The following MNAT1 variants were observed in gnomAD, a reference collection of about 807,000 sequenced individuals.
The protein encoded by MNAT1 is CDK-activating kinase assembly factor MAT1.
Under a neutral mutation model 42.0 loss-of-function variants are expected in MNAT1, and 43 were observed. That is an observed-to-expected ratio of 1.02 (90% CI 0.80 to 1.32). The LOEUF (loss-of-function observed/expected upper bound fraction) is 1.32, where lower values mean the gene tolerates loss of function less well. Ranked by LOEUF, MNAT1 falls within the 40% of genes most tolerant of loss-of-function variation. The pLI, the probability that MNAT1 is intolerant of heterozygous loss-of-function variation, is 0.00. For synonymous variants in MNAT1, 118 were observed against 120.0 expected (o/e 0.98, Z 0.11); for missense variants, 306 against 350.4 (o/e 0.87, Z 1.01).
At chr14:60,815,451 G>A (rs1171624120) in intron 5 of MNAT1, among the ~76,000 whole-genome samples, 1 of 152,110 alleles carries the variant, frequency 6.6e-6, no homozygotes, top group African/African-American at 2.4e-5. Context: ...TACTGACCTT[G>A]TGATCCACCC....
chr14:60,873,506 A>G (rs1343304509), intron 6 of MNAT1, among the ~76,000 whole-genome samples: 3 of 152,002 alleles, frequency 2.0e-5, no homozygotes, highest in African/African-American at 7.2e-5. Context: ...TCTTGCTCTG[A>G]CACTCATGCT....
Position 60,791,585 on chromosome 14 carries a change from A to G in MNAT1, c.90-4632A>G, listed in dbSNP as rs113953449. Among the ~76,000 whole-genome samples the G allele has an allele frequency of 7.4e-4, 112 of 152,330 alleles. 1 individual carries two copies. Among genetic ancestry groups the G allele is most frequent in the African/African-American group, 2.3e-3 (97 of 41,584 alleles). ...CCAAAGTTTAAATTGAGAATGCCAC[A>G]TAAGTAAATGTAACACATTCCTATT... On this transcript the variant is annotated intron_variant, in intron 1 of 7. Coordinates refer to ENST00000261245, the MANE Select transcript of MNAT1 (RefSeq NM_002431.4).
At chr14:60,812,762 T>C (rs2032592248) in intron 5 of MNAT1, among the ~76,000 whole-genome samples, 1 of 152,212 alleles carries the variant, frequency 6.6e-6, no homozygotes, top group African/African-American at 2.4e-5. Context: ...ACTCAGTAAG[T>C]AGAGGAAGAG....
intron 7 of MNAT1, among the ~76,000 whole-genome samples, chr14:60,894,981 T>G (rs781675796): frequency 3.2e-4 from 48 of 152,162 alleles, no homozygotes; most frequent in Non-Finnish European, 5.4e-4. Flanking sequence ...AATAATTTGT[T>G]TTTTTTGGTC....
chr14:60,766,353 A>G (rs2030819932), intron 1 of MNAT1, among the ~76,000 whole-genome samples: 1 of 151,478 alleles, frequency 6.6e-6, no homozygotes, highest in African/African-American at 2.4e-5. Context: ...TCAAAAAAAA[A>G]AAAAGAAAAA....
At chr14:60,911,395 A>C (rs552955691) in intron 7 of MNAT1, among the ~76,000 whole-genome samples, 2 of 152,036 alleles carry the variant, frequency 1.3e-5, no homozygotes, top group African/African-American at 2.4e-5. Flanking sequence ...TTGCTTCTCT[A>C]GTTCTTTTAA....
At chr14:60,903,841 T>G (rs1207102590) in intron 7 of MNAT1, among the ~76,000 whole-genome samples, 1 of 151,990 alleles carries the variant, frequency 6.6e-6, no homozygotes. Flanking sequence ...AAGTTTTGTT[T>G]TGTTTTTGAT....
At chr14:60,777,950 A>G (rs1179886711) in intron 1 of MNAT1, among the ~76,000 whole-genome samples, 1 of 152,204 alleles carries the variant, frequency 6.6e-6, no homozygotes, top group Non-Finnish European at 1.5e-5. Context: ...TTCTGGAGCA[A>G]ACCAGAGCAG....
At chr14:60,890,383 C>T (rs2034809194) in intron 7 of MNAT1, among the ~76,000 whole-genome samples, 1 of 152,154 alleles carries the variant, frequency 6.6e-6, no homozygotes, top group Admixed American at 6.6e-5. Flanking sequence ...TTCTTGTAGT[C>T]TCTGTCTGGC....
rs546881740 is a variant in MNAT1 at position 60,942,515 on chromosome 14, G to A, written c.810-25714G>A. ...ATAGTGATATTCATATAGTAATCTCGCGGTACTGACATTTGTTTTTTCCAC... is the reference window on the plus strand; with the variant it reads ...ATAGTGATATTCATATAGTAATCTCACGGTACTGACATTTGTTTTTTCCAC... On this transcript the variant is annotated intron_variant, in intron 7 of 7. Transcript: ENST00000261245. 1.3e-4 allele frequency among the ~76,000 whole-genome samples: 19 copies of A among 146,370 alleles called. No individual in the cohort carries two copies. In the East Asian group the frequency reaches 2.8e-3, roughly 21 times the overall value.
At chr14:60,924,401 A>T (rs1387058399) in intron 7 of MNAT1, among the ~76,000 whole-genome samples, 1 of 151,472 alleles carries the variant, frequency 6.6e-6, no homozygotes, top group Admixed American at 6.6e-5. Flanking sequence ...AAAAAAAAAA[A>T]ACTGTACTCC....
At chr14:60,826,202 A>G (rs6573332) in intron 6 of MNAT1, among the ~76,000 whole-genome samples, 143,731 of 152,196 alleles carry the variant, frequency 0.94, 68,169 homozygotes, top group Non-Finnish European at 0.99. Flanking sequence ...ACTGTCAGGG[A>G]GTGGAGTAAT....
intron 7 of MNAT1, among the ~76,000 whole-genome samples, chr14:60,885,219 T>C (rs2034638682): frequency 6.6e-6 from 1 of 151,866 alleles, no homozygotes; most frequent in Non-Finnish European, 1.5e-5. Flanking sequence ...TAGTTGAATA[T>C]TGATATATTT....
intron 7 of MNAT1, among the ~76,000 whole-genome samples, chr14:60,890,419 G>A (rs1566538460): frequency 6.6e-6 from 1 of 152,110 alleles, no homozygotes; most frequent in African/African-American, 2.4e-5. Flanking sequence ...TATAGTCAGG[G>A]TTCTCTAGAG....
chr14:60,915,947 C>T (rs905083828), intron 7 of MNAT1, among the ~76,000 whole-genome samples: 22 of 152,268 alleles, frequency 1.4e-4, no homozygotes, highest in African/African-American at 4.1e-4. Context: ...CATACCAGAG[C>T]GGGAGAGGAG....
intron 7 of MNAT1, among the ~76,000 whole-genome samples, chr14:60,958,173 A>T (rs1158543997): frequency 6.6e-6 from 1 of 152,160 alleles, no homozygotes; most frequent in African/African-American, 2.4e-5. Flanking sequence ...CCTTTTGTTA[A>T]AGTCTGAAGA....
intron 7 of MNAT1, among the ~76,000 whole-genome samples, chr14:60,892,922 T>A (rs537077914): frequency 5.3e-5 from 8 of 152,274 alleles, no homozygotes; most frequent in Non-Finnish European, 1.0e-4. Flanking sequence ...TTATATATTG[T>A]GTGTCCAAGA....
At chr14:60,889,323 C>G (rs2034772750) in intron 7 of MNAT1, among the ~76,000 whole-genome samples, 1 of 152,052 alleles carries the variant, frequency 6.6e-6, no homozygotes, top group Non-Finnish European at 1.5e-5. Flanking sequence ...TGATCTTTGA[C>G]AAACCTGAGA....
intron 1 of MNAT1, among the ~76,000 whole-genome samples, chr14:60,746,107 A>C (rs2140287528): frequency 6.6e-6 from 1 of 152,328 alleles, no homozygotes; most frequent in Non-Finnish European, 1.5e-5. Flanking sequence ...CTCTAGTTTC[A>C]CCATAGACTA....
Sources: gnomAD v4.1 joint callset for allele counts (sites outside exome capture counted in the v4.1 genomes callset) on GRCh38, gnomAD v4.1.1 for gene constraint, MANE v1.5 for transcripts, NCBI Gene and HGNC (gene_info 2026-07-23, HGNC 2026-07-21) for gene names.